The following MAGI2 variants were observed in gnomAD, a reference collection of about 807,000 sequenced individuals.
The protein encoded by MAGI2 is membrane associated guanylate kinase, WW and PDZ domain containing 2.
A neutral mutation model predicts 133.3 loss-of-function variants in MAGI2; 35 were observed. The ratio of observed to expected loss-of-function variants is 0.26; its 90% CI spans 0.20 to 0.35. The LOEUF (loss-of-function observed/expected upper bound fraction) is 0.35. Ranked by LOEUF, MAGI2 falls within the 10% of genes least tolerant of loss-of-function variation. MAGI2 has a pLI of 1.00. For missense variants in MAGI2, 1,636 were observed against 1,863.4 expected (o/e 0.88, Z 2.25); for synonymous variants, 729 against 710.6 (o/e 1.03, Z -0.41).
chr7:78,941,249 C>T (rs556136992), intron 2 of MAGI2, among the ~76,000 whole-genome samples: 1 of 152,294 alleles, frequency 6.6e-6, no homozygotes, highest in South Asian at 2.1e-4. Context: ...CAAAGCACTG[C>T]CTAAAACTTT....
At chr7:78,115,024 A>G (rs1358624277) in intron 20 of MAGI2, among the ~76,000 whole-genome samples, 1 of 152,226 alleles carries the variant, frequency 6.6e-6, no homozygotes, top group Admixed American at 6.5e-5. Context: ...AATATGGTGG[A>G]TTAGATTCCC....
chr7:78,773,860 G>A (rs1308597653), intron 2 of MAGI2, among the ~76,000 whole-genome samples: 1 of 152,154 alleles, frequency 6.6e-6, no homozygotes, highest in Non-Finnish European at 1.5e-5. Context: ...AAGTTCTTTG[G>A]CTAGACAATT....
At chr7:78,779,430 A>C (rs1181780674) in intron 2 of MAGI2, among the ~76,000 whole-genome samples, 2 of 152,212 alleles carry the variant, frequency 1.3e-5, no homozygotes, top group East Asian at 3.9e-4. Flanking sequence ...TAATAGAACC[A>C]AAATCAAATT....
chr7:78,623,355 T>C (rs146122790), intron 3 of MAGI2, among the ~76,000 whole-genome samples: 137 of 152,198 alleles, frequency 9.0e-4, no homozygotes, highest in African/African-American at 3.2e-3. Flanking sequence ...AACTAATGAA[T>C]GTTACTAAAT....
chr7:79,280,197 C>G (rs1465104399), intron 1 of MAGI2, among the ~76,000 whole-genome samples: 1 of 152,078 alleles, frequency 6.6e-6, no homozygotes, highest in African/African-American at 2.4e-5. Flanking sequence ...TTAACATGAC[C>G]TAACAGAGAT....
At chr7:78,124,646 G>A (rs1304265366) in intron 20 of MAGI2, among the ~76,000 whole-genome samples, 1 of 151,920 alleles carries the variant, frequency 6.6e-6, no homozygotes, top group Non-Finnish European at 1.5e-5. Flanking sequence ...GCAGGAGGGA[G>A]GGCAAGAATA....
chr7:79,138,937 C>T (rs939358342), intron 1 of MAGI2, among the ~76,000 whole-genome samples: 1 of 133,938 alleles, frequency 7.5e-6, no homozygotes, highest in African/African-American at 2.8e-5. Context: ...GATCACAGCA[C>T]TGCATTCCAG....
At chr7:78,675,271 G>GTTA (rs1330788956) in intron 2 of MAGI2, among the ~76,000 whole-genome samples, 4 of 151,942 alleles carry the variant, frequency 2.6e-5, no homozygotes, top group African/African-American at 9.7e-5. Flanking sequence ...TGTTGTTGTT[G>GTTA]TTGTTGATGT....
intron 1 of MAGI2, among the ~76,000 whole-genome samples, chr7:79,112,849 C>T (rs1243128636): frequency 2.6e-5 from 4 of 151,732 alleles, no homozygotes. Flanking sequence ...TGTTCCATGA[C>T]CTTTACATTT....
intron 10 of MAGI2, among the ~76,000 whole-genome samples, chr7:78,210,281 T>C (rs1787642659): frequency 6.6e-6 from 1 of 152,214 alleles, no homozygotes; most frequent in Non-Finnish European, 1.5e-5. Flanking sequence ...CCTAATTGAA[T>C]GGCTCAGTAA....
At chr7:78,109,158 G>A (rs184313576) in intron 20 of MAGI2, among the ~76,000 whole-genome samples, 17,606 of 139,014 alleles carry the variant, frequency 0.13, 1,342 homozygotes, top group Non-Finnish European at 0.19. Context: ...CAAAATATTA[G>A]CTGGGCGTGG....
chr7:78,159,014 C>T (rs1824684116), intron 16 of MAGI2, among the ~76,000 whole-genome samples: 1 of 152,132 alleles, frequency 6.6e-6, no homozygotes, highest in Admixed American at 6.5e-5. Flanking sequence ...CACACTTCGA[C>T]CCCCTATGAT....
chr7:79,451,049 C>T (rs899691692), intron 1 of MAGI2, among the ~76,000 whole-genome samples: 9 of 152,178 alleles, frequency 5.9e-5, no homozygotes, highest in Non-Finnish European at 1.2e-4. Flanking sequence ...AGTCTTTCCA[C>T]GGCATTTCAT....
rs546289822 is a variant in MAGI2, at chr7:78,912,853, C to A, written c.418+94237G>T. 2.0e-4 allele frequency among the ~76,000 whole-genome samples: 30 copies of A among 147,494 alleles called. No homozygotes were observed. The East Asian group carries it at 3.6e-3, about 18-fold the overall frequency. ...TATATATTCCACTTCATATATCCAT[C>A]ATATATATATGATATGACTAATTCT... On this transcript the variant is annotated intron_variant, in intron 2 of 21. Transcript: ENST00000354212.
At chr7:78,431,665 C>T (rs186603505) in intron 6 of MAGI2, among the ~76,000 whole-genome samples, 2 of 152,170 alleles carry the variant, frequency 1.3e-5, no homozygotes, top group Admixed American at 1.3e-4. Flanking sequence ...AACGCCATGA[C>T]CCAGAGACTT....
At chr7:78,687,884 C>G (rs1343674829) in intron 2 of MAGI2, among the ~76,000 whole-genome samples, 2 of 140,938 alleles carry the variant, frequency 1.4e-5, no homozygotes, top group Non-Finnish European at 3.0e-5. Context: ...GCAGGAGAAT[C>G]ACTTGAGCCT....
intron 2 of MAGI2, among the ~76,000 whole-genome samples, chr7:78,782,395 G>C (rs928306268): frequency 6.6e-6 from 1 of 152,120 alleles, no homozygotes; most frequent in African/African-American, 2.4e-5. Context: ...GTGCGGGGCA[G>C]GTGAGTCCTT....
chr7:79,034,176 C>G (rs1810897236), intron 1 of MAGI2, among the ~76,000 whole-genome samples: 1 of 152,248 alleles, frequency 6.6e-6, no homozygotes, highest in Non-Finnish European at 1.5e-5. Flanking sequence ...ATGGAGCTGT[C>G]ACAGGACTGA....
At chr7:78,600,626 G>T (rs970323500) in intron 3 of MAGI2, among the ~76,000 whole-genome samples, 3 of 151,934 alleles carry the variant, frequency 2.0e-5, no homozygotes, top group African/African-American at 7.3e-5. Flanking sequence ...AATTCACAGG[G>T]GAAAAGGGCA....
Sources: allele counts gnomAD v4.1 joint callset (sites outside exome capture counted in the v4.1 genomes callset), GRCh38; gene constraint gnomAD v4.1.1; transcripts MANE v1.5; gene names NCBI Gene and HGNC (gene_info 2026-07-23, HGNC 2026-07-21).